Variants in RNF214 observed in about 807,000 individuals in gnomAD.
RNF214 encodes ring finger protein 214.
Under a neutral mutation model 75.9 loss-of-function variants are expected in RNF214, and 25 were observed. That is an observed-to-expected ratio of 0.33 (90% confidence interval 0.24 to 0.46). The LOEUF (loss-of-function observed/expected upper bound fraction) is 0.46, where lower values mean the gene tolerates loss of function less well. Among genes scored for constraint, RNF214 ranks in the 20% least tolerant of loss-of-function variants. The probability of loss-of-function intolerance (pLI) is 1.00; values close to 1 mark genes in which losing one functional copy is unlikely to be tolerated. For missense variants in RNF214, 725 were observed against 857.5 expected, an observed-to-expected ratio of 0.85 and a Z score of 1.93; for synonymous variants, 314 against 308.8, an observed-to-expected ratio of 1.02 and a Z score of -0.18.
rs139365163 is a variant in RNF214 at position 117,281,138 on chromosome 11, C to T, written c.1146-176C>T. Among the ~76,000 whole-genome samples, 210 of 151,992 alleles carry T rather than the reference C, an allele frequency of 1.4e-3. 1 individual carries two copies. The highest frequency in any genetic ancestry group is 4.6e-3 in the African/African-American group (190 of 41,452). On this transcript the variant is annotated intron_variant, in intron 8 of 14. Transcript: ENST00000300650. ...TATAGGCGTGAGCCACCACACCTGG[C>T]TAATTTTGCATTTTTTTAAGAGACA... is the stretch of plus-strand genomic sequence containing the variant.
chr11:117,239,446 T>G, intron 3 of RNF214: 1 of 449,360 alleles, frequency 2.2e-6, no homozygotes. Context: ...TTGTTAATTC[T>G]CTGAGTCACA....
At chr11:117,264,615 T>TGA (rs2033753323) in intron 6 of RNF214, among the ~76,000 whole-genome samples, 4 of 152,174 alleles carry the variant, frequency 2.6e-5, no homozygotes, top group Admixed American at 2.6e-4. Flanking sequence ...TTATGAAATG[T>TGA]CCCTCTTTAT....
chr11:117,283,258 G>A (rs1029040288), intron 14 of RNF214, 48 bp downstream of exon 14: 1 of 1,261,722 alleles, frequency 7.9e-7, no homozygotes, highest in Admixed American at 2.0e-5. Flanking sequence ...TCTTCTGACA[G>A]CTAAAATAAT....
intron 6 of RNF214, among the ~76,000 whole-genome samples, chr11:117,261,556 G>A (rs1352062505): frequency 6.6e-6 from 1 of 151,950 alleles, no homozygotes; most frequent in Non-Finnish European, 1.5e-5. Context: ...CTTCAGCTTG[G>A]GCAACAGAGC....
At chr11:117,235,659 A>C (rs866430271) in intron 2 of RNF214, among the ~76,000 whole-genome samples, 1 of 151,788 alleles carries the variant, frequency 6.6e-6, no homozygotes. Context: ...GCCGCCCAGC[A>C]CCACGCCTGG....
At chr11:117,269,556 T>G (rs1245193464) in intron 6 of RNF214, among the ~76,000 whole-genome samples, 1 of 152,060 alleles carries the variant, frequency 6.6e-6, no homozygotes, top group Admixed American at 6.5e-5. Flanking sequence ...AGAGATGGGA[T>G]TTTGCCATGT....
chr11:117,274,272 G>A (rs2033966418), intron 6 of RNF214, among the ~76,000 whole-genome samples: 1 of 149,908 alleles, frequency 6.7e-6, no homozygotes, highest in Non-Finnish European at 1.5e-5. Flanking sequence ...GGAGTAGTTA[G>A]TTAGAATTTG....
chr11:117,234,422 G>A, intron 2 of RNF214, 43 bp downstream of exon 2: 1 of 1,401,488 alleles, frequency 7.1e-7, no homozygotes, highest in Non-Finnish European at 1.0e-6. Flanking sequence ...TTTGGGTAAA[G>A]GGTTTTTGAG....
At chr11:117,252,036 T>G (rs1217677042) in intron 6 of RNF214, among the ~76,000 whole-genome samples, 2 of 151,952 alleles carry the variant, frequency 1.3e-5, no homozygotes, top group Non-Finnish European at 2.9e-5. Flanking sequence ...GCCCGACTAA[T>G]TTTTGTATTT....
intron 6 of RNF214, among the ~76,000 whole-genome samples, chr11:117,256,199 T>A (rs1439592698): frequency 6.6e-6 from 1 of 152,234 alleles, no homozygotes; most frequent in African/African-American, 2.4e-5. Flanking sequence ...GCATGTTGTG[T>A]ATACTGCTAT....
intron 8 of RNF214, 92 bp downstream of exon 8, chr11:117,280,351 C>A: frequency 1.2e-6 from 1 of 845,848 alleles, no homozygotes; most frequent in Non-Finnish European, 2.0e-6. Flanking sequence ...GCTAGTCTGG[C>A]ACTTATTCTA....
In RNF214 at chr11:117,239,843, G is replaced by T. The variant is rs753520776; in HGVS notation, c.661G>T (p.Asp221Tyr). Reference sequence around the variant, plus strand: ...TGATTCAGAGGTAAACACAGATCAAGATATTGAAAAGAATTTGGTAAGTAT... The same window carrying T: ...TGATTCAGAGGTAAACACAGATCAATATATTGAAAAGAATTTGGTAAGTAT... ...TADSEVNTDQDIEKNLDKMMT... is the reference protein window; with the variant it reads ...TADSEVNTDQYIEKNLDKMMT... Residue 221 changes from aspartate (D) to tyrosine (Y), a missense_variant, in exon 4 of 15, where the codon GAT (aspartate) becomes TAT (tyrosine). Transcript: ENST00000300650. 40 of 1,557,262 alleles carry T rather than the reference G, an allele frequency of 2.6e-5. No homozygotes were observed. In the East Asian group the frequency reaches 9.0e-4, roughly 35 times the overall value.
chr11:117,246,579 T>C (rs776438814), intron 5 of RNF214, among the ~76,000 whole-genome samples: 11 of 152,220 alleles, frequency 7.2e-5, no homozygotes, highest in Non-Finnish European at 1.6e-4. Context: ...ACAATTGCGA[T>C]TGCTAGAAAT....
Position 117,281,626 on chromosome 11 carries a change from A to G in RNF214, c.1263A>G (p.Leu421=). Residue 421 remains leucine, a synonymous_variant, in exon 10 of 15, where the codon TTA becomes TTG. Coordinates refer to ENST00000300650, the MANE Select transcript of RNF214 (RefSeq NM_207343.4). ...ACCAATTTAATAGTCATATCCAGTT[A>G]GTGAGGAACGGAGCCAAGCTGAGCA... is the stretch of plus-strand genomic sequence containing the variant. ...VRDQFNSHIQ[L]VRNGAKLSSL... 2 of 1,612,594 alleles carry G rather than the reference A, an allele frequency of 1.2e-6. No individual in the cohort carries two copies. Among genetic ancestry groups the G allele is most frequent in the Non-Finnish European group, 1.7e-6 (2 of 1,178,860 alleles).
At chr11:117,280,444 C>T (rs1444885374) in intron 8 of RNF214, among the ~76,000 whole-genome samples, 185 bp downstream of exon 8, 1 of 152,206 alleles carries the variant, frequency 6.6e-6, no homozygotes, top group Non-Finnish European at 1.5e-5. Context: ...AAGTTCTGTA[C>T]TGTAACTCTT....
At position 117,278,892 on chromosome 11, in the gene RNF214, A is replaced by G. The variant is rs374028656; in HGVS notation, c.960-1016A>G. On this transcript the variant is annotated intron_variant, in intron 6 of 14. Coordinates refer to ENST00000300650, the MANE Select transcript of RNF214 (RefSeq NM_207343.4). ...GATCACTTGATCCCAGGAGTTTGAG[A>G]ACAGCCTGTAGAACAAAGTGAGACC... Among the ~76,000 whole-genome samples, 6 of 152,254 alleles carry G rather than the reference A, an allele frequency of 3.9e-5. No homozygotes were observed. In the East Asian group the frequency reaches 9.7e-4, roughly 24 times the overall value.
In RNF214 at chr11:117,232,676, A is replaced by G. The variant is rs1457176689; in HGVS notation, c.-57A>G. The stretch of plus-strand genomic sequence containing the variant: ...GGTGCCGCGCGCGGGCCGGCGCTCG[A>G]CCCCTCCCCCCGTGGCTCGGCCGCC... On this transcript the variant is annotated 5_prime_UTR_variant, in exon 1 of 15. Coordinates refer to ENST00000300650, the MANE Select transcript of RNF214 (RefSeq NM_207343.4). 6.9e-6 allele frequency: 1 copy of G among 144,950 alleles called. No homozygotes were observed. Among genetic ancestry groups the G allele is most frequent in the Non-Finnish European group, 1.5e-5 (1 of 65,776 alleles). 9.0% of individuals were successfully genotyped at this position (144,950 alleles called of 1,614,324 possible).
intron 6 of RNF214, among the ~76,000 whole-genome samples, chr11:117,275,669 AC>A (rs959244133): frequency 1.3e-5 from 2 of 152,166 alleles, no homozygotes; most frequent in Middle Eastern, 3.4e-3. Flanking sequence ...GAAACACACA[AC>A]CCCCCAAGCT....
chr11:117,279,745 A>G (rs184362275), intron 6 of RNF214, among the ~76,000 whole-genome samples, 163 bp from the exon 7 acceptor site: 1 of 152,374 alleles, frequency 6.6e-6, no homozygotes, highest in African/African-American at 2.4e-5. Context: ...TCTTTTGATT[A>G]GCAAAGAATA....
Sources: allele counts gnomAD v4.1 joint callset (sites outside exome capture counted in the v4.1 genomes callset), GRCh38; gene constraint gnomAD v4.1.1; transcripts MANE v1.5; gene names NCBI Gene and HGNC (gene_info 2026-07-23, HGNC 2026-07-21).